The following ADAM12 variants were observed in gnomAD, a reference collection of about 807,000 sequenced individuals.
The protein encoded by ADAM12 is ADAM metallopeptidase domain 12, also known as disintegrin and metalloproteinase domain-containing protein 12.
Under a neutral mutation model 106.4 loss-of-function variants are expected in ADAM12, and 70 were observed. The ratio of observed to expected loss-of-function variants is 0.66; its 90% CI spans 0.54 to 0.80. The LOEUF is 0.80. Ranked by LOEUF, ADAM12 falls within the 30% of genes least tolerant of loss-of-function variation. The pLI is 0.00. For missense variants in ADAM12, 1,010 were observed against 1,171.9 expected (o/e 0.86, Z 2.02); for synonymous variants, 420 against 433.5 (o/e 0.97, Z 0.39).
intron 3 of ADAM12, among the ~76,000 whole-genome samples, chr10:126,236,999 G>A (rs1318382135): frequency 3.3e-5 from 5 of 152,134 alleles, no homozygotes; most frequent in African/African-American, 1.2e-4. Context: ...ACCATGCATT[G>A]CCCATTCTAA....
At chr10:126,330,846 T>C (rs1213771628) in intron 1 of ADAM12, among the ~76,000 whole-genome samples, 2 of 152,252 alleles carry the variant, frequency 1.3e-5, no homozygotes, top group Non-Finnish European at 2.9e-5. Context: ...GATGAATTGA[T>C]ACTTTATTTA....
chr10:126,366,040 T>C (rs984476845), intron 1 of ADAM12, among the ~76,000 whole-genome samples: 10 of 152,156 alleles, frequency 6.6e-5, no homozygotes, highest in Non-Finnish European at 1.2e-4. Flanking sequence ...GTTAGAATTA[T>C]CAAATAGCAA....
chr10:126,183,934 TA>T (rs1395482882), intron 3 of ADAM12, among the ~76,000 whole-genome samples: 1 of 152,246 alleles, frequency 6.6e-6, no homozygotes, highest in Admixed American at 6.5e-5. Flanking sequence ...CCACACTTAA[TA>T]AATGTTTATG....
intron 1 of ADAM12, among the ~76,000 whole-genome samples, chr10:126,369,259 C>T (rs1357124399): frequency 1.3e-5 from 2 of 152,194 alleles, no homozygotes; most frequent in Non-Finnish European, 2.9e-5. Context: ...GGACTATTTA[C>T]TCATCATGCC....
chr10:126,335,588 C>T (rs1854672126), intron 1 of ADAM12, among the ~76,000 whole-genome samples: 1 of 152,180 alleles, frequency 6.6e-6, no homozygotes. Flanking sequence ...CTTTCAGATT[C>T]ACATTTTCAA....
intron 14 of ADAM12, among the ~76,000 whole-genome samples, chr10:126,054,718 T>C (rs1334253915): frequency 1.3e-5 from 2 of 152,120 alleles, no homozygotes; most frequent in Non-Finnish European, 2.9e-5. Flanking sequence ...ATCTGTAAAA[T>C]GGGGACAAGG....
chr10:126,295,151 T>C (rs566913207), intron 2 of ADAM12, among the ~76,000 whole-genome samples: 3 of 152,216 alleles, frequency 2.0e-5, no homozygotes, highest in South Asian at 2.1e-4. Context: ...TTTAATATTA[T>C]AGCTTCCTCT....
chr10:126,311,782 C>A (rs1961109629), intron 2 of ADAM12, among the ~76,000 whole-genome samples: 2 of 152,106 alleles, frequency 1.3e-5, no homozygotes, highest in Admixed American at 6.5e-5. Context: ...CGCTCAGGAC[C>A]CTCTAGACCC....
At chr10:126,320,574 A>G (rs759404933) in intron 2 of ADAM12, among the ~76,000 whole-genome samples, 2 of 152,248 alleles carry the variant, frequency 1.3e-5, no homozygotes, top group South Asian at 4.1e-4. Flanking sequence ...CTCACTGGTT[A>G]TATGTTGCAA....
At chr10:126,023,562 CCTGACTCCT>C (rs1953810204) in intron 21 of ADAM12, among the ~76,000 whole-genome samples, 1 of 152,192 alleles carries the variant, frequency 6.6e-6, no homozygotes, top group African/African-American at 2.4e-5. Context: ...GAATTCTCTT[CCTGACTCCT>C]CTCCATTCAA....
chr10:126,099,325 C>A (rs1955614712), intron 9 of ADAM12, among the ~76,000 whole-genome samples: 1 of 152,102 alleles, frequency 6.6e-6, no homozygotes. Flanking sequence ...GTCAATTGAA[C>A]AGAAAGTGGT....
chr10:126,299,851 C>A (rs1960543064), intron 2 of ADAM12, among the ~76,000 whole-genome samples: 1 of 152,038 alleles, frequency 6.6e-6, no homozygotes, highest in East Asian at 1.9e-4. Context: ...GCCATGTTGG[C>A]CAGGCTGGTC....
chr10:126,098,067 C>T (rs896129733), intron 10 of ADAM12, among the ~76,000 whole-genome samples: 3 of 152,214 alleles, frequency 2.0e-5, no homozygotes, highest in Non-Finnish European at 2.9e-5. Flanking sequence ...GACCACAGGG[C>T]GTCCCAACAG....
intron 1 of ADAM12, among the ~76,000 whole-genome samples, chr10:126,362,922 TG>T (rs1188503906): frequency 6.6e-6 from 1 of 152,180 alleles, no homozygotes; most frequent in African/African-American, 2.4e-5. Context: ...TTCAAATTCT[TG>T]AAGGAAATAA....
intron 3 of ADAM12, among the ~76,000 whole-genome samples, chr10:126,272,491 A>T (rs1169013966): frequency 6.6e-6 from 1 of 152,232 alleles, no homozygotes; most frequent in Non-Finnish European, 1.5e-5. Context: ...TTTATTAATT[A>T]TTAATGTTTA....
At chr10:126,260,270 T>C (rs1280024594) in intron 3 of ADAM12, among the ~76,000 whole-genome samples, 1 of 152,186 alleles carries the variant, frequency 6.6e-6, no homozygotes, top group African/African-American at 2.4e-5. Flanking sequence ...CAGGCAAACA[T>C]GGATACAAAT....
intron 16 of ADAM12, among the ~76,000 whole-genome samples, chr10:126,047,723 A>T (rs1954365658): frequency 6.6e-6 from 1 of 152,220 alleles, no homozygotes; most frequent in Admixed American, 6.5e-5. Context: ...ACCATTGTGG[A>T]AAACAGTGCA....
At chr10:126,051,655 G>A (rs1710283) in intron 14 of ADAM12, among the ~76,000 whole-genome samples, 59,930 of 145,728 alleles carry the variant, frequency 0.41, 12,383 homozygotes, top group East Asian at 0.51. Flanking sequence ...CCAGCCAGCC[G>A]GCCACCCATC....
At chr10:126,079,819 G>A (rs1955177880) in intron 11 of ADAM12, among the ~76,000 whole-genome samples, 1 of 152,168 alleles carries the variant, frequency 6.6e-6, no homozygotes, top group Admixed American at 6.5e-5. Flanking sequence ...TCACATGAAA[G>A]ATGTGCCAAT....
Sources: gnomAD v4.1 joint callset for allele counts (sites outside exome capture counted in the v4.1 genomes callset) on GRCh38, gnomAD v4.1.1 for gene constraint, MANE v1.5 for transcripts, NCBI Gene and HGNC (gene_info 2026-07-23, HGNC 2026-07-21) for gene names.